Variants in WDR70 observed in about 807,000 individuals in gnomAD.
The protein encoded by WDR70 is WD repeat domain 70.
A neutral mutation model predicts 88.6 loss-of-function variants in WDR70; 53 were observed. The ratio of observed to expected loss-of-function variants is 0.60; its 90% CI spans 0.48 to 0.75. The LOEUF is 0.75. Among genes scored for constraint, WDR70 ranks in the 30% least tolerant of loss-of-function variants. The probability of loss-of-function intolerance (pLI) is 0.00; values close to 1 mark genes in which losing one functional copy is unlikely to be tolerated. For synonymous variants in WDR70, 280 were observed against 270.0 expected (o/e 1.04, Z -0.36); for missense variants, 610 against 823.2 (o/e 0.74, Z 3.17).
intron 17 of WDR70, among the ~76,000 whole-genome samples, chr5:37,737,968 C>T (rs1389843989): frequency 6.6e-6 from 1 of 150,750 alleles, no homozygotes; most frequent in Non-Finnish European, 1.5e-5. Flanking sequence ...ATGTTCATTT[C>T]CTGAAGAAAA....
intron 5 of WDR70, among the ~76,000 whole-genome samples, chr5:37,399,926 A>G (rs1561837814): frequency 1.3e-5 from 2 of 151,830 alleles, no homozygotes; most frequent in African/African-American, 4.8e-5. Flanking sequence ...ATTTATTTTT[A>G]TTATTTATTT....
At chr5:37,586,895 G>A (rs1456447735) in intron 9 of WDR70, among the ~76,000 whole-genome samples, 1 of 152,112 alleles carries the variant, frequency 6.6e-6, no homozygotes, top group Non-Finnish European at 1.5e-5. Flanking sequence ...CCACCTGAAT[G>A]TCACACAGCT....
At chr5:37,591,036 T>C (rs938443934) in intron 9 of WDR70, among the ~76,000 whole-genome samples, 3 of 152,112 alleles carry the variant, frequency 2.0e-5, no homozygotes, top group Admixed American at 6.6e-5. Flanking sequence ...CCTAGCTGTA[T>C]TGATGATTAA....
intron 10 of WDR70, among the ~76,000 whole-genome samples, chr5:37,637,112 T>C (rs969493016): frequency 9.2e-5 from 14 of 151,930 alleles, no homozygotes; most frequent in African/African-American, 3.4e-4. Context: ...GAGGCCGAAG[T>C]GGGCGTATCA....
chr5:37,505,612 A>G (rs1740536262), intron 8 of WDR70: 1 of 742,580 alleles, frequency 1.3e-6, no homozygotes, highest in African/African-American at 1.7e-5. Flanking sequence ...CTTCTAGACA[A>G]CTGAGTGGGT....
At chr5:37,603,150 C>G (rs924555814) in intron 9 of WDR70, among the ~76,000 whole-genome samples, 1 of 151,386 alleles carries the variant, frequency 6.6e-6, no homozygotes, top group African/African-American at 2.4e-5. Flanking sequence ...AAAAAAAAAC[C>G]CTAAAATTCA....
Position 37,480,000 on chromosome 5 carries a change from C to T in WDR70, c.840+13C>T. On this transcript the variant is annotated intron_variant, in intron 8 of 17. Transcript: ENST00000265107. Reference sequence around the variant, plus strand: ...GGCCAACACCAAGGTAAGCATTAAACAGAATATTTTAATGAATTAATTCAG... The same window carrying T: ...GGCCAACACCAAGGTAAGCATTAAATAGAATATTTTAATGAATTAATTCAG... The T allele has an allele frequency of 6.3e-7, 1 of 1,599,870 alleles. No individual in the cohort carries two copies. Among genetic ancestry groups the T allele is most frequent in the East Asian group, 2.2e-5 (1 of 44,672 alleles).
chr5:37,467,048 C>G (rs1275335529), intron 7 of WDR70, among the ~76,000 whole-genome samples: 2 of 151,910 alleles, frequency 1.3e-5, no homozygotes, highest in Non-Finnish European at 2.9e-5. Context: ...CTAGCCTGGG[C>G]AGCATGGCAA....
chr5:37,635,994 T>G (rs1224352409), intron 10 of WDR70, among the ~76,000 whole-genome samples: 1 of 152,222 alleles, frequency 6.6e-6, no homozygotes, highest in Non-Finnish European at 1.5e-5. Flanking sequence ...TTCTTCCTTC[T>G]GCCATGATTG....
At chr5:37,493,614 C>T (rs945787612) in intron 8 of WDR70, among the ~76,000 whole-genome samples, 5 of 152,146 alleles carry the variant, frequency 3.3e-5, no homozygotes, top group African/African-American at 1.2e-4. Context: ...AATCTAGCTA[C>T]GTTGTGCCAG....
chr5:37,479,966 T>C lies in WDR70; in HGVS notation c.819T>C (p.Ile273=). The change falls in exon 8 of 18, where the codon ATT becomes ATC. Residue 273 remains isoleucine (I), a synonymous_variant. Transcript: ENST00000265107. ...VMECIKGDQY[I]VDMANTKGHT... ...AATGTATAAAAGGAGACCAGTATAT[T>C]GTGGACATGGCCAACACCAAGGTAA... The C allele has an allele frequency of 6.2e-7, 1 of 1,613,776 alleles. No individual in the cohort carries two copies. Among genetic ancestry groups the C allele is most frequent in the Non-Finnish European group, 8.5e-7 (1 of 1,179,914 alleles).
At chr5:37,380,596 C>A (rs185842031) in intron 2 of WDR70, among the ~76,000 whole-genome samples, 2 of 152,142 alleles carry the variant, frequency 1.3e-5, no homozygotes, top group Admixed American at 6.5e-5. Context: ...CCCGTCTCGG[C>A]CTCCGAAAGT....
intron 9 of WDR70, among the ~76,000 whole-genome samples, chr5:37,569,929 C>G (rs1176249396): frequency 6.6e-6 from 1 of 152,080 alleles, no homozygotes; most frequent in East Asian, 1.9e-4. Context: ...GGCAAGATAA[C>G]TGTGTAATTA....
chr5:37,709,277 T>C (rs752015467), intron 13 of WDR70, among the ~76,000 whole-genome samples: 8 of 152,220 alleles, frequency 5.3e-5, no homozygotes, highest in Admixed American at 3.3e-4. Context: ...GACTAGGGAA[T>C]AGCATTTGCT....
intron 13 of WDR70, among the ~76,000 whole-genome samples, chr5:37,710,078 G>A (rs1166332799): frequency 6.6e-6 from 1 of 151,952 alleles, no homozygotes; most frequent in Non-Finnish European, 1.5e-5. Flanking sequence ...GAGTAAAGAG[G>A]AAAGATACCT....
intron 9 of WDR70, among the ~76,000 whole-genome samples, chr5:37,571,947 G>A (rs1242801786): frequency 1.3e-5 from 2 of 152,114 alleles, no homozygotes; most frequent in African/African-American, 2.4e-5. Context: ...TCTGGTTTAT[G>A]GAGGTGAATG....
intron 14 of WDR70, chr5:37,721,531 T>C: frequency 3.4e-6 from 1 of 292,132 alleles, no homozygotes; most frequent in South Asian, 6.9e-5. Context: ...TTAGCAGTGA[T>C]ACATGTAAGA....
At chr5:37,690,958 G>A (rs1258107955) in intron 10 of WDR70, among the ~76,000 whole-genome samples, 1 of 152,140 alleles carries the variant, frequency 6.6e-6, no homozygotes, top group South Asian at 2.1e-4. Flanking sequence ...AGACCCATCA[G>A]TGTGCTGTAT....
chr5:37,401,900 G>T (rs1004151416), intron 5 of WDR70, among the ~76,000 whole-genome samples: 1 of 152,106 alleles, frequency 6.6e-6, no homozygotes, highest in African/African-American at 2.4e-5. Flanking sequence ...CATATCCATT[G>T]CGTAAAACAC....
Sources: gnomAD v4.1 joint callset for allele counts (sites outside exome capture counted in the v4.1 genomes callset) on GRCh38, gnomAD v4.1.1 for gene constraint, MANE v1.5 for transcripts, NCBI Gene and HGNC (gene_info 2026-07-23, HGNC 2026-07-21) for gene names.